SNTG1: variants seen among roughly 807,000 people sequenced by gnomAD.
The protein encoded by SNTG1 is syntrophin gamma 1.
SNTG1 carries 39 observed loss-of-function variants against 74.7 expected under a neutral mutation model. The observed-to-expected ratio is 0.52, with a 90% CI of 0.40 to 0.68. The LOEUF (loss-of-function observed/expected upper bound fraction) is 0.68, where lower values mean the gene tolerates loss of function less well. Among genes scored for constraint, SNTG1 ranks in the 30% least tolerant of loss-of-function variants. The pLI is 0.00. For missense variants in SNTG1, 685 were observed against 609.5 expected (o/e 1.12, Z -1.30); for synonymous variants, 254 against 217.1 (o/e 1.17, Z -1.49).
intron 2 of SNTG1, among the ~76,000 whole-genome samples, chr8:50,363,665 C>A (rs1436965869): frequency 1.3e-5 from 2 of 152,032 alleles, no homozygotes; most frequent in Non-Finnish European, 2.9e-5. Context: ...AGATTGAATA[C>A]AAACACTTTT....
chr8:50,063,668 ATTG>A (rs1331728507), intron 1 of SNTG1, among the ~76,000 whole-genome samples: 5 of 151,594 alleles, frequency 3.3e-5, no homozygotes, highest in Non-Finnish European at 5.9e-5. Flanking sequence ...AGGTCATACT[ATTG>A]TTGTATCACC....
chr8:50,635,519 A>T (rs1251075069), intron 13 of SNTG1, among the ~76,000 whole-genome samples: 1 of 151,852 alleles, frequency 6.6e-6, no homozygotes, highest in Non-Finnish European at 1.5e-5. Context: ...AAGTCCTTTC[A>T]CTCTTCCTTC....
intron 2 of SNTG1, among the ~76,000 whole-genome samples, chr8:50,346,892 A>C (rs780453014): frequency 7.9e-5 from 12 of 152,248 alleles, no homozygotes; most frequent in Non-Finnish European, 1.2e-4. Context: ...GAAGCTGCAG[A>C]AGAGAAGGTT....
At chr8:50,494,270 C>T (rs1317809785) in intron 8 of SNTG1, among the ~76,000 whole-genome samples, 1 of 151,846 alleles carries the variant, frequency 6.6e-6, no homozygotes, top group Non-Finnish European at 1.5e-5. Context: ...TTGCTCATAG[C>T]AAAATTTCAT....
At chr8:50,367,404 A>T (rs1312280952) in intron 2 of SNTG1, among the ~76,000 whole-genome samples, 1 of 152,168 alleles carries the variant, frequency 6.6e-6, no homozygotes, top group Non-Finnish European at 1.5e-5. Context: ...ATTCTATGTT[A>T]GAATGCTGAA....
At chr8:50,693,831 A>G (rs186921493) in intron 15 of SNTG1, among the ~76,000 whole-genome samples, 1 of 152,334 alleles carries the variant, frequency 6.6e-6, no homozygotes, top group African/African-American at 2.4e-5. Context: ...CAAATATATG[A>G]ATATTAAACA....
At chr8:50,666,248 A>G (rs1357979988) in intron 15 of SNTG1, among the ~76,000 whole-genome samples, 1 of 152,162 alleles carries the variant, frequency 6.6e-6, no homozygotes, top group Non-Finnish European at 1.5e-5. Context: ...ATTTTCTTCA[A>G]TAGTGTCAAA....
intron 1 of SNTG1, among the ~76,000 whole-genome samples, chr8:50,007,724 G>T (rs547022566): frequency 6.6e-6 from 1 of 152,040 alleles, no homozygotes; most frequent in Admixed American, 6.6e-5. Context: ...GAAGAGAGTT[G>T]CAGCTTTCTT....
At chr8:50,077,577 A>T (rs966815616) in intron 1 of SNTG1, among the ~76,000 whole-genome samples, 4 of 152,188 alleles carry the variant, frequency 2.6e-5, no homozygotes, top group African/African-American at 9.6e-5. Flanking sequence ...GCTTTAAGCT[A>T]TAATTTGTGT....
At chr8:50,048,243 G>A (rs1231996404) in intron 1 of SNTG1, among the ~76,000 whole-genome samples, 1 of 151,832 alleles carries the variant, frequency 6.6e-6, no homozygotes, top group Non-Finnish European at 1.5e-5. Flanking sequence ...AAAAATATTG[G>A]GATTGAGGGA....
intron 1 of SNTG1, among the ~76,000 whole-genome samples, chr8:49,998,914 G>A (rs1224433260): frequency 4.6e-5 from 7 of 152,098 alleles, no homozygotes; most frequent in Non-Finnish European, 2.9e-5. Context: ...CCAGTATTAT[G>A]TACTGGATAA....
chr8:50,489,530 T>C (rs1399320366), intron 8 of SNTG1, among the ~76,000 whole-genome samples: 1 of 152,258 alleles, frequency 6.6e-6, no homozygotes, highest in Non-Finnish European at 1.5e-5. Context: ...TGACCAGTGA[T>C]GATGAGCTTT....
At chr8:49,930,399 A>T (rs1205761744) in intron 1 of SNTG1, among the ~76,000 whole-genome samples, 1 of 152,130 alleles carries the variant, frequency 6.6e-6, no homozygotes, top group Non-Finnish European at 1.5e-5. Context: ...ATAGATTTTT[A>T]TTAACTAATT....
intron 2 of SNTG1, among the ~76,000 whole-genome samples, chr8:50,248,717 A>G (rs2086510359): frequency 6.6e-6 from 1 of 152,180 alleles, no homozygotes; most frequent in Admixed American, 6.5e-5. Flanking sequence ...ATATATGTTA[A>G]AAGAACAAAT....
intron 1 of SNTG1, among the ~76,000 whole-genome samples, chr8:50,041,555 T>C (rs1818642822): frequency 6.6e-6 from 1 of 152,126 alleles, no homozygotes; most frequent in African/African-American, 2.4e-5. Flanking sequence ...CTTACGATTG[T>C]AAATATTTTT....
intron 15 of SNTG1, among the ~76,000 whole-genome samples, chr8:50,673,094 T>A (rs2095292854): frequency 6.6e-6 from 1 of 152,204 alleles, no homozygotes; most frequent in Non-Finnish European, 1.5e-5. Flanking sequence ...GTAGTATAGT[T>A]TGAAGTCAGG....
At chr8:50,333,753 G>T (rs772345209) in intron 2 of SNTG1, among the ~76,000 whole-genome samples, 67 of 152,082 alleles carry the variant, frequency 4.4e-4, no homozygotes, top group Non-Finnish European at 8.2e-4. Flanking sequence ...ATTTCTTAAC[G>T]TTCCCTTGAT....
chr8:50,182,803 C>A (rs772974546), intron 2 of SNTG1, among the ~76,000 whole-genome samples: 5 of 152,100 alleles, frequency 3.3e-5, no homozygotes, highest in Non-Finnish European at 7.4e-5. Flanking sequence ...TCATCTTAAA[C>A]CTGCATCCCA....
At chr8:50,179,897 A>G (rs76872368) in intron 2 of SNTG1, among the ~76,000 whole-genome samples, 3,072 of 152,274 alleles carry the variant, frequency 0.02, 97 homozygotes, top group African/African-American at 0.067. Flanking sequence ...TAAAAACAGA[A>G]CTACTGTATG....
Sources: allele counts gnomAD v4.1 joint callset (sites outside exome capture counted in the v4.1 genomes callset), GRCh38; gene constraint gnomAD v4.1.1; transcripts MANE v1.5; gene names NCBI Gene and HGNC (gene_info 2026-07-23, HGNC 2026-07-21).